Variants in DIAPH3 observed in about 807,000 individuals in gnomAD.
DIAPH3 encodes the protein protein diaphanous homolog 3.
Under a neutral mutation model 144.3 loss-of-function variants are expected in DIAPH3, and 117 were observed. That is an observed-to-expected ratio of 0.81 (90% CI 0.70 to 0.95). DIAPH3 has a LOEUF of 0.95. Among genes scored for constraint, DIAPH3 ranks in the 40% least tolerant of loss-of-function variants. DIAPH3 has a pLI of 0.00. For missense variants in DIAPH3, 1,421 were observed against 1,412.7 expected (o/e 1.01, Z -0.09); for synonymous variants, 519 against 488.9 (o/e 1.06, Z -0.81).
chr13:59,858,361 C>T (rs1032264406), intron 22 of DIAPH3, among the ~76,000 whole-genome samples: 6 of 152,202 alleles, frequency 3.9e-5, no homozygotes, highest in African/African-American at 1.4e-4. Context: ...ACAGACACTA[C>T]ACCTGAACCA....
At chr13:59,694,836 T>G (rs1365956622) in intron 27 of DIAPH3, among the ~76,000 whole-genome samples, 1 of 152,134 alleles carries the variant, frequency 6.6e-6, no homozygotes, top group Non-Finnish European at 1.5e-5. Context: ...AATATAAATA[T>G]TCACAGGTTC....
At chr13:60,156,516 G>A (rs932084733) in intron 1 of DIAPH3, among the ~76,000 whole-genome samples, 8 of 152,100 alleles carry the variant, frequency 5.3e-5, no homozygotes, top group Non-Finnish European at 1.0e-4. Flanking sequence ...GCCCAAAGAA[G>A]AGATGAAAGT....
intron 2 of DIAPH3, among the ~76,000 whole-genome samples, chr13:60,126,775 G>T (rs2059002111): frequency 6.6e-6 from 1 of 152,076 alleles, no homozygotes; most frequent in Admixed American, 6.6e-5. Context: ...ATATTTGGAA[G>T]TTAAATAACA....
chr13:59,770,319 T>G (rs2038060913), intron 27 of DIAPH3, among the ~76,000 whole-genome samples: 1 of 152,188 alleles, frequency 6.6e-6, no homozygotes, highest in South Asian at 2.1e-4. Flanking sequence ...TGTCTGTTCA[T>G]TCAACACATT....
chr13:59,692,640 A>G (rs1343805815), intron 27 of DIAPH3, among the ~76,000 whole-genome samples: 1 of 152,118 alleles, frequency 6.6e-6, no homozygotes, highest in Non-Finnish European at 1.5e-5. Flanking sequence ...CAAATGACAC[A>G]GTGAAATAGT....
Position 60,008,115 on chromosome 13 carries a change from C to T in DIAPH3, c.1014+429G>A, listed in dbSNP as rs192913408. On this transcript the variant is annotated intron_variant, in intron 9 of 27. Coordinates refer to ENST00000400324, the MANE Select transcript of DIAPH3 (RefSeq NM_001042517.2). ...CTATATTCTAAAAATAATGCTAGGC[C>T]GGACGCAGTGGCTCATGCCTGTAAT... Among the ~76,000 whole-genome samples the T allele has an allele frequency of 8.5e-5, 13 of 152,080 alleles. No individual in the cohort carries two copies. In the East Asian group the frequency reaches 2.3e-3, roughly 27 times the overall value.
chr13:60,004,116 T>C (rs1328035842), intron 9 of DIAPH3, among the ~76,000 whole-genome samples: 1 of 152,252 alleles, frequency 6.6e-6, no homozygotes, highest in Non-Finnish European at 1.5e-5. Flanking sequence ...AATGTGTTTA[T>C]TTTGCTATCT....
chr13:59,692,137 CTTTTTTTTT>C (rs56205887), intron 27 of DIAPH3, among the ~76,000 whole-genome samples: 9 of 58,178 alleles, frequency 1.5e-4, no homozygotes, highest in African/African-American at 5.0e-4. Flanking sequence ...TTGAGAAATT[CTTTTTTTTT>C]TTTTTTTTTT....
intron 27 of DIAPH3, among the ~76,000 whole-genome samples, chr13:59,674,937 G>A (rs2032560613): frequency 6.6e-6 from 1 of 152,336 alleles, no homozygotes; most frequent in South Asian, 2.1e-4. Flanking sequence ...CAGGTCAGAA[G>A]TAATTTGATC....
intron 23 of DIAPH3, among the ~76,000 whole-genome samples, chr13:59,836,757 T>G (rs2042063105): frequency 6.6e-6 from 1 of 151,970 alleles, no homozygotes; most frequent in African/African-American, 2.4e-5. Flanking sequence ...ATACACATAT[T>G]CTTCCAGAAT....
At chr13:59,817,378 AGG>A (rs1194813289) in intron 24 of DIAPH3, among the ~76,000 whole-genome samples, 2 of 151,922 alleles carry the variant, frequency 1.3e-5, no homozygotes, top group Non-Finnish European at 2.9e-5. Flanking sequence ...CTATGTTATT[AGG>A]CACATACCAT....
At chr13:60,035,439 G>A (rs113404664) in intron 5 of DIAPH3, among the ~76,000 whole-genome samples, 1 of 152,178 alleles carries the variant, frequency 6.6e-6, no homozygotes, top group Admixed American at 6.5e-5. Flanking sequence ...GAGAAATGGT[G>A]CTAGGTTTGG....
chr13:59,670,835 G>T (rs551116890), intron 27 of DIAPH3, among the ~76,000 whole-genome samples: 6 of 152,158 alleles, frequency 3.9e-5, no homozygotes, highest in Admixed American at 1.3e-4. Flanking sequence ...CGCCCGCCTT[G>T]GCCTCCCAAA....
intron 5 of DIAPH3, among the ~76,000 whole-genome samples, chr13:60,029,372 C>A (rs2054619971): frequency 6.6e-6 from 1 of 152,224 alleles, no homozygotes; most frequent in South Asian, 2.1e-4. Flanking sequence ...TCCACTCTCT[C>A]CTCCCTTCAA....
chr13:59,732,959 C>T lies in DIAPH3; in HGVS notation c.3319+41230G>A, dbSNP rs532654115. 5.3e-5 allele frequency among the ~76,000 whole-genome samples: 8 copies of T among 152,068 alleles called. No individual in the cohort carries two copies. The East Asian group carries it at 7.7e-4, about 15-fold the overall frequency. ...CATCACCTGTAGTACAGGTAGAAGT[C>T]GTGAAATTTTTGTTTTCAATTTTTG... On this transcript the variant is annotated intron_variant, in intron 27 of 27. Coordinates refer to ENST00000400324, the MANE Select transcript of DIAPH3 (RefSeq NM_001042517.2).
intron 25 of DIAPH3, among the ~76,000 whole-genome samples, chr13:59,779,329 A>T (rs1385061474): frequency 6.6e-6 from 1 of 152,230 alleles, no homozygotes; most frequent in Non-Finnish European, 1.5e-5. Flanking sequence ...TCTAGGGTTA[A>T]TGAGGGAATC....
At chr13:59,839,538 A>C (rs1371404653) in intron 22 of DIAPH3, 90 bp from the exon 23 acceptor site, 1 of 1,200,532 alleles carries the variant, frequency 8.3e-7, no homozygotes, top group African/African-American at 1.5e-5. Context: ...TCATGAAAAC[A>C]ACTCACAATA....
intron 21 of DIAPH3, among the ~76,000 whole-genome samples, chr13:59,863,748 G>A (rs112707628): frequency 6.4e-4 from 97 of 152,198 alleles, no homozygotes; most frequent in African/African-American, 2.3e-3. Context: ...TTGGTACCTT[G>A]TTTAAAAGAA....
chr13:59,762,551 G>T (rs969894475), intron 27 of DIAPH3, among the ~76,000 whole-genome samples: 1 of 152,040 alleles, frequency 6.6e-6, no homozygotes, highest in African/African-American at 2.4e-5. Context: ...CTAGGACTAT[G>T]CCAAGTAGTG....
Sources: gnomAD v4.1 joint callset for allele counts (sites outside exome capture counted in the v4.1 genomes callset) on GRCh38, gnomAD v4.1.1 for gene constraint, MANE v1.5 for transcripts, NCBI Gene and HGNC (gene_info 2026-07-23, HGNC 2026-07-21) for gene names.